YWHAE: variants seen among roughly 807,000 people sequenced by gnomAD.
The protein encoded by YWHAE is tyrosine 3-monooxygenase/tryptophan 5-monooxygenase activation protein epsilon, also known as 14-3-3 protein epsilon.
In YWHAE, 4 loss-of-function variants were observed where a neutral mutation model predicts 30.1. That is an observed-to-expected ratio of 0.13 (90% CI 0.07 to 0.30). The LOEUF (loss-of-function observed/expected upper bound fraction) is 0.30. YWHAE is among the 10% of genes least tolerant of loss of function. The pLI is 1.00. For synonymous variants in YWHAE, 118 were observed against 111.8 expected (o/e 1.06, Z -0.35); for missense variants, 121 against 315.9 (o/e 0.38, Z 4.68).
At chr17:1,356,711 C>T (rs1191132593) in intron 4 of YWHAE, among the ~76,000 whole-genome samples, 1 of 151,888 alleles carries the variant, frequency 6.6e-6, no homozygotes, top group East Asian at 1.9e-4. Flanking sequence ...GTAATCCCAG[C>T]ACTCTGGGAG....
chr17:1,394,445 A>AAAAAAAAAAAAAAAAAAAAC (rs1567987797), intron 1 of YWHAE, among the ~76,000 whole-genome samples: 1 of 142,504 alleles, frequency 7.0e-6, no homozygotes, highest in African/African-American at 2.9e-5. Context: ...ACAAAAAAAA[A>AAAAAAAAAAAAAAAAAAAAC]AAAAAAAAAA....
intron 5 of YWHAE, among the ~76,000 whole-genome samples, chr17:1,349,583 CAAT>C (rs1158658847): frequency 6.6e-6 from 1 of 151,758 alleles, no homozygotes; most frequent in African/African-American, 2.4e-5. Context: ...TTTACAGACT[CAAT>C]AAGGAATTGA....
chr17:1,354,964 GTTTT>G (rs56351171), intron 4 of YWHAE, among the ~76,000 whole-genome samples: 692 of 74,486 alleles, frequency 9.3e-3, no homozygotes, highest in East Asian at 0.015. Flanking sequence ...GCCCAGCCTA[GTTTT>G]TTTTTTTTTT....
At chr17:1,376,434 C>G (rs1359319951) in intron 1 of YWHAE, among the ~76,000 whole-genome samples, 4 of 151,892 alleles carry the variant, frequency 2.6e-5, no homozygotes, top group African/African-American at 9.7e-5. Context: ...AAGAAGTTCA[C>G]TCCTGCTTAA....
intron 1 of YWHAE, 127 bp from the exon 2 acceptor site, chr17:1,365,185 A>G: frequency 9.3e-7 from 1 of 1,074,376 alleles, no homozygotes; most frequent in South Asian, 1.7e-5. Flanking sequence ...TTTCATAATC[A>G]TCAAAACTAA....
In YWHAE at chr17:1,400,125, C is replaced by T. The variant is rs370212478; in HGVS notation, c.-15G>A. 5.6e-6 allele frequency: 9 copies of T among 1,613,946 alleles called. 1 individual carries two copies. The highest frequency in any genetic ancestry group is 1.3e-5 in the African/African-American group (1 of 74,938). ...CGATCATCCATAGCGGCAGCGGCTC[C>T]GGCAGGGTCTGCGCGACGGATGGAA... On this transcript the variant is annotated 5_prime_UTR_variant, in exon 1 of 6. Coordinates refer to ENST00000264335, the MANE Select transcript of YWHAE (RefSeq NM_006761.5).
intron 1 of YWHAE, among the ~76,000 whole-genome samples, chr17:1,375,795 T>A (rs1204387321): frequency 3.9e-5 from 6 of 152,198 alleles, no homozygotes; most frequent in African/African-American, 1.2e-4. Context: ...GAGTCACAAG[T>A]TTTTCCCCTT....
intron 5 of YWHAE, among the ~76,000 whole-genome samples, chr17:1,349,797 G>A (rs2072592052): frequency 6.6e-6 from 1 of 151,698 alleles, no homozygotes. Flanking sequence ...TGTATTTTTA[G>A]TAGAGACGGG....
intron 1 of YWHAE, among the ~76,000 whole-genome samples, chr17:1,368,974 G>C (rs1022596581): frequency 6.6e-6 from 1 of 152,086 alleles, no homozygotes; most frequent in Non-Finnish European, 1.5e-5. Flanking sequence ...TCAAATTTCT[G>C]TGCTTTACAA....
chr17:1,398,029 T>G (rs16945923), intron 1 of YWHAE, among the ~76,000 whole-genome samples: 12 of 152,192 alleles, frequency 7.9e-5, no homozygotes, highest in African/African-American at 2.9e-4. Flanking sequence ...GTACTTTATT[T>G]GGAAACTACA....
intron 5 of YWHAE, among the ~76,000 whole-genome samples, chr17:1,351,192 C>T (rs148054493): frequency 0.044 from 6,712 of 152,066 alleles, 164 homozygotes; most frequent in East Asian, 0.052. Context: ...AACCCCGTCT[C>T]TATTAAAAAT....
chr17:1,366,615 T>G (rs2072946765), intron 1 of YWHAE, among the ~76,000 whole-genome samples: 1 of 152,104 alleles, frequency 6.6e-6, no homozygotes. Context: ...ATACCTTAAC[T>G]AATAGGTATG....
rs745311343 is a variant in YWHAE at position 1,365,037 on chromosome 17, T to C, written c.86A>G (p.Lys29Arg). Residue 29 changes from lysine (K) to arginine (R), a missense_variant, in exon 2 of 6, where the codon AAA becomes AGA. Physicochemically the swap from Lys to Arg is conservative, Grantham distance 26. Coordinates refer to ENST00000264335, the MANE Select transcript of YWHAE (RefSeq NM_006761.5). ...CAGCTCCACATCCATCCCTGCTACT[T>C]TCTTCATTGACTCCACCATTTCTGT... ...RYDEMVESMK[K>R]VAGMDVELTV... 1.3e-5 allele frequency: 21 copies of C among 1,614,108 alleles called. No individual in the cohort carries two copies. Among genetic ancestry groups the C allele is most frequent in the Non-Finnish European group, 1.8e-5 (21 of 1,180,016 alleles).
chr17:1,358,745 G>A (rs985083541), intron 4 of YWHAE, among the ~76,000 whole-genome samples: 3 of 149,924 alleles, frequency 2.0e-5, no homozygotes, highest in Non-Finnish European at 4.4e-5. Context: ...CACCAGAATC[G>A]CTTGAATCTG....
chr17:1,389,530 TTTC>T (rs1428137734), intron 1 of YWHAE, among the ~76,000 whole-genome samples: 2 of 150,620 alleles, frequency 1.3e-5, no homozygotes, highest in African/African-American at 2.5e-5. Flanking sequence ...TTACGTTTTC[TTTC>T]TTTTTTTTTT....
intron 2 of YWHAE, 82 bp downstream of exon 2, chr17:1,364,777 T>C (rs2072918612): frequency 1.3e-6 from 2 of 1,486,670 alleles, no homozygotes; most frequent in Non-Finnish European, 1.9e-6. Flanking sequence ...TGTAGTCTCC[T>C]TTTCTCTCAA....
At chr17:1,356,796 TA>T (rs2072751697) in intron 4 of YWHAE, among the ~76,000 whole-genome samples, 1 of 125,984 alleles carries the variant, frequency 7.9e-6, no homozygotes, top group Non-Finnish European at 1.6e-5. Flanking sequence ...CTGTCTCTAC[TA>T]AAAATGCAAA....
In YWHAE at chr17:1,400,177, C is replaced by A; in HGVS notation, c.-67G>T. 1.3e-6 allele frequency: 2 copies of A among 1,588,346 alleles called. No individual in the cohort carries two copies. Among genetic ancestry groups the A allele is most frequent in the Non-Finnish European group, 1.7e-6 (2 of 1,158,452 alleles). The stretch of plus-strand genomic sequence containing the variant: ...CGGATAGTGTCTCCGACTCTCTCAG[C>A]CTCTCGCTCCGCGTCCGGGCAGCAA... On this transcript the variant is annotated 5_prime_UTR_variant, in exon 1 of 6. Transcript: ENST00000264335.
chr17:1,360,103 C>G (rs769171545), intron 4 of YWHAE, among the ~76,000 whole-genome samples: 30 of 152,026 alleles, frequency 2.0e-4, no homozygotes, highest in Non-Finnish European at 3.5e-4. Flanking sequence ...ACTGGGATTG[C>G]AGGCATGCAC....
Sources: allele counts gnomAD v4.1 joint callset (sites outside exome capture counted in the v4.1 genomes callset), GRCh38; gene constraint gnomAD v4.1.1; transcripts MANE v1.5; gene names NCBI Gene and HGNC (gene_info 2026-07-23, HGNC 2026-07-21).